FGGY: variants seen among roughly 807,000 people sequenced by gnomAD.
The protein encoded by FGGY is FGGY carbohydrate kinase domain containing.
In FGGY, 72 loss-of-function variants were observed where a neutral mutation model predicts 71.3. The observed-to-expected ratio is 1.01, with a 90% CI of 0.84 to 1.23. The LOEUF (loss-of-function observed/expected upper bound fraction) is 1.23, where lower values mean the gene tolerates loss of function less well. Among genes scored for constraint, FGGY ranks in the 50% most tolerant of loss-of-function variants. The pLI is 0.00. For synonymous variants in FGGY, 251 were observed against 250.3 expected, an observed-to-expected ratio of 1.00 and a Z score of -0.02; for missense variants, 668 against 682.3, an observed-to-expected ratio of 0.98 and a Z score of 0.23.
chr1:59,742,424 G>A lies in FGGY; in HGVS notation c.1513-15507G>A, dbSNP rs151083689. Among the ~76,000 whole-genome samples the A allele has an allele frequency of 1.7e-3, 257 of 152,260 alleles. 2 individuals are homozygous for A. Among genetic ancestry groups the A allele is most frequent in the African/African-American group, 5.9e-3 (246 of 41,548 alleles). On this transcript the variant is annotated intron_variant, in intron 14 of 15. Coordinates refer to ENST00000303721, the MANE Select transcript of FGGY (RefSeq NM_018291.5). ...GCTTCCACTGACAACATATTTTCTT[G>A]ATTTCCCTCCCGCTGTTCTGAATGT...
chr1:59,723,689 C>G (rs975373272), intron 14 of FGGY, among the ~76,000 whole-genome samples: 3 of 152,094 alleles, frequency 2.0e-5, no homozygotes, highest in Admixed American at 1.3e-4. Context: ...ACTAGTAACA[C>G]AGTTACATTG....
chr1:59,526,522 C>A lies in FGGY; in HGVS notation c.799+14083C>A, dbSNP rs556916307. 4.6e-5 allele frequency among the ~76,000 whole-genome samples: 7 copies of A among 152,316 alleles called. No individual in the cohort carries two copies. In the Middle Eastern group the frequency reaches 0.01, roughly 222 times the overall value. On this transcript the variant is annotated intron_variant, in intron 7 of 15. Transcript: ENST00000303721. ...TGTATTCAGAAAAATCCTAATACAA[C>A]TTGCATACTGCTTTTCCAGGCGGTG...
chr1:59,682,441 T>G (rs1415238283), intron 14 of FGGY, among the ~76,000 whole-genome samples: 1 of 152,220 alleles, frequency 6.6e-6, no homozygotes, highest in Non-Finnish European at 1.5e-5. Flanking sequence ...AAAGAGGGAC[T>G]GTTTACAAAA....
intron 14 of FGGY, among the ~76,000 whole-genome samples, chr1:59,715,973 G>A (rs533361328): frequency 3.9e-5 from 6 of 152,246 alleles, no homozygotes; most frequent in African/African-American, 7.2e-5. Context: ...TTGTGACAGC[G>A]ACCAAATGGC....
chr1:59,533,153 C>T (rs1341475122), intron 7 of FGGY, among the ~76,000 whole-genome samples: 1 of 152,176 alleles, frequency 6.6e-6, no homozygotes, highest in African/African-American at 2.4e-5. Context: ...GTGCCGCGCA[C>T]CATGCACGAG....
chr1:59,753,517 A>G (rs1177117698), intron 14 of FGGY, among the ~76,000 whole-genome samples: 3 of 89,304 alleles, frequency 3.4e-5, no homozygotes, highest in Admixed American at 2.4e-4. Flanking sequence ...TATATATGGC[A>G]TTACATGTTT....
chr1:59,487,902 C>G (rs908194836), intron 6 of FGGY, among the ~76,000 whole-genome samples: 1 of 149,170 alleles, frequency 6.7e-6, no homozygotes, highest in Non-Finnish European at 1.5e-5. Context: ...TTTCTTTTAT[C>G]TTCAAAAGCA....
intron 5 of FGGY, among the ~76,000 whole-genome samples, chr1:59,411,430 C>G (rs2063585000): frequency 6.6e-6 from 1 of 152,194 alleles, no homozygotes; most frequent in Non-Finnish European, 1.5e-5. Flanking sequence ...TGTAAAGTTA[C>G]TATTTTTCCA....
intron 14 of FGGY, among the ~76,000 whole-genome samples, chr1:59,729,018 T>C (rs536670485): frequency 6.6e-6 from 1 of 152,220 alleles, no homozygotes; most frequent in Non-Finnish European, 1.5e-5. Flanking sequence ...ACCATGCATA[T>C]GTTATACGTT....
chr1:59,603,350 A>AT, intron 8 of FGGY, among the ~76,000 whole-genome samples: 1 of 152,322 alleles, frequency 6.6e-6, no homozygotes, highest in South Asian at 2.1e-4. Flanking sequence ...ATTATTAAGC[A>AT]TATTGATTAA....
At chr1:59,732,245 C>T (rs181198477) in intron 14 of FGGY, among the ~76,000 whole-genome samples, 62 of 152,192 alleles carry the variant, frequency 4.1e-4, no homozygotes, top group Non-Finnish European at 4.7e-4. Flanking sequence ...ATTCTCTCCC[C>T]GCCATGTACA....
chr1:59,382,757 C>T (rs2059624825), intron 5 of FGGY, among the ~76,000 whole-genome samples: 1 of 152,138 alleles, frequency 6.6e-6, no homozygotes, highest in Non-Finnish European at 1.5e-5. Flanking sequence ...CCCCATTGGC[C>T]TGCAAATCCA....
At chr1:59,564,016 T>C (rs1477165323) in intron 8 of FGGY, among the ~76,000 whole-genome samples, 3 of 152,170 alleles carry the variant, frequency 2.0e-5, no homozygotes, top group Non-Finnish European at 4.4e-5. Context: ...GACCCCTTCC[T>C]TACACCTTAT....
intron 8 of FGGY, among the ~76,000 whole-genome samples, chr1:59,572,683 G>A (rs1161811597): frequency 6.6e-6 from 1 of 152,094 alleles, no homozygotes; most frequent in South Asian, 2.1e-4. Context: ...CGATATATTG[G>A]AAAGATGTTT....
chr1:59,553,588 G>GA (rs2095641999), intron 7 of FGGY, among the ~76,000 whole-genome samples: 1 of 152,136 alleles, frequency 6.6e-6, no homozygotes, highest in African/African-American at 2.4e-5. Context: ...GTGACCTAGG[G>GA]ATGCCAGAAA....
At chr1:59,441,924 C>T (rs1214807426) in intron 5 of FGGY, among the ~76,000 whole-genome samples, 3 of 152,198 alleles carry the variant, frequency 2.0e-5, no homozygotes, top group Admixed American at 1.3e-4. Context: ...GTATCCTCTA[C>T]AACCTTTGTC....
intron 15 of FGGY, among the ~76,000 whole-genome samples, chr1:59,760,331 G>T (rs1195648943): frequency 6.6e-6 from 1 of 152,204 alleles, no homozygotes; most frequent in East Asian, 1.9e-4. Context: ...TGGAAGCTCT[G>T]TGCATAGTTG....
At chr1:59,749,691 A>T (rs1388236471) in intron 14 of FGGY, among the ~76,000 whole-genome samples, 1 of 152,164 alleles carries the variant, frequency 6.6e-6, no homozygotes, top group Non-Finnish European at 1.5e-5. Context: ...GGGATAATAA[A>T]TATCTAAAGT....
At chr1:59,337,785 T>TA (rs1311208989) in intron 2 of FGGY, among the ~76,000 whole-genome samples, 1 of 152,234 alleles carries the variant, frequency 6.6e-6, no homozygotes, top group Non-Finnish European at 1.5e-5. Flanking sequence ...ATTTTCTGCA[T>TA]ATGAGATCAT....
Sources: gnomAD v4.1 joint callset for allele counts (sites outside exome capture counted in the v4.1 genomes callset) on GRCh38, gnomAD v4.1.1 for gene constraint, MANE v1.5 for transcripts, NCBI Gene and HGNC (gene_info 2026-07-23, HGNC 2026-07-21) for gene names.